The following LOXL1 variants were observed in gnomAD, a reference collection of about 807,000 sequenced individuals.
LOXL1 encodes the protein lysyl oxidase like 1, also known as lysyl oxidase homolog 1.
Under a neutral mutation model 62.2 loss-of-function variants are expected in LOXL1, and 31 were observed. The observed-to-expected ratio is 0.50, with a 90% CI of 0.37 to 0.67. The LOEUF is 0.67. LOXL1 is among the 30% of genes least tolerant of loss of function. LOXL1 has a pLI of 0.00. For missense variants in LOXL1, 775 were observed against 843.4 expected, an observed-to-expected ratio of 0.92 and a Z score of 1.00; for synonymous variants, 403 against 384.4, an observed-to-expected ratio of 1.05 and a Z score of -0.56.
intron 1 of LOXL1, among the ~76,000 whole-genome samples, chr15:73,928,601 C>CAAAAAA (rs55696344): frequency 9.5e-6 from 1 of 105,026 alleles, no homozygotes; most frequent in Non-Finnish European, 2.0e-5. Context: ...AAAATTAATG[C>CAAAAAA]AAAAAAAAAA....
chr15:73,947,589 C>T (rs547882797), intron 4 of LOXL1: 2 of 518,096 alleles, frequency 3.9e-6, no homozygotes, highest in South Asian at 3.0e-5. Flanking sequence ...TTCTGCCATC[C>T]ATCTCGTCCC....
intron 1 of LOXL1, 91 bp from the exon 2 acceptor site, chr15:73,942,763 G>A (rs752571074): frequency 2.9e-4 from 233 of 794,766 alleles, no homozygotes; most frequent in Middle Eastern, 2.7e-3. Flanking sequence ...TGGGGTGTGA[G>A]GAGGTCTCTG....
In LOXL1 at chr15:73,927,777, C is replaced by T; in HGVS notation, c.994C>T (p.Leu332=). The change falls in exon 1 of 7, where the codon CTG becomes TTG. Residue 332 remains leucine, a synonymous_variant. Transcript: ENST00000261921. ...GPPRALEPPY[L]PVRSSDTPPP... is the part of the protein sequence containing the mutation. ...GCCGCGCGCGCTGGAGCCGCCCTAC[C>T]TGCCGGTGCGCAGCTCCGACACGCC... The T allele has an allele frequency of 7.0e-7, 1 of 1,431,556 alleles. No individual in the cohort carries two copies. The allele number at this position is 1,431,556 out of a possible 1,614,324, so 88.7% of individuals were successfully genotyped here.
intron 1 of LOXL1, among the ~76,000 whole-genome samples, chr15:73,935,668 G>A (rs989606605): frequency 5.9e-5 from 9 of 152,174 alleles, no homozygotes; most frequent in Admixed American, 4.6e-4. Flanking sequence ...CAGAGGCTTG[G>A]CCTCTGAGCA....
At position 73,946,481 on chromosome 15, in the gene LOXL1, G is replaced by A. The variant is rs548422464; in HGVS notation, c.1276G>A (p.Val426Met). 1.1e-4 allele frequency: 175 copies of A among 1,612,480 alleles called. 2 individuals carry two copies. In the South Asian group the frequency reaches 1.3e-3, roughly 12 times the overall value. Residue 426 changes from valine to methionine, a missense_variant, in exon 3 of 7, where the codon GTG (valine) becomes ATG (methionine). By Grantham distance (21) the Val-to-Met change is conservative (BLOSUM62 1). Coordinates refer to ENST00000261921, the MANE Select transcript of LOXL1 (RefSeq NM_005576.4). ...VRVLLRFPQR[V>M]KNQGTADFLP... The stretch of plus-strand genomic sequence containing the variant: ...GGTGCTACTGCGCTTCCCCCAGCGC[G>A]TGAAGAACCAGGGCACAGCAGACTT...
In LOXL1 at chr15:73,930,346, G is replaced by T. The variant is rs1332570636; in HGVS notation, c.1102+2461G>T. ...GCCCCTTCCCCTAATCATTGAGGGTGTGGGGTGGGAGTGTGTTTTTTGCTG... is the reference window on the plus strand; with the variant it reads ...GCCCCTTCCCCTAATCATTGAGGGTTTGGGGTGGGAGTGTGTTTTTTGCTG... On this transcript the variant is annotated intron_variant, in intron 1 of 6. Coordinates refer to ENST00000261921, the MANE Select transcript of LOXL1 (RefSeq NM_005576.4). This position sits in a 1 kb window ranked among gnomAD's most constrained non-coding sequence, Gnocchi z 4.7. Among the ~76,000 whole-genome samples, 1 of 152,208 alleles carries T rather than the reference G, an allele frequency of 6.6e-6. No homozygotes were observed. Among genetic ancestry groups the T allele is most frequent in the African/African-American group, 2.4e-5 (1 of 41,454 alleles).
intron 1 of LOXL1, among the ~76,000 whole-genome samples, chr15:73,938,205 G>A (rs1167799302): frequency 6.6e-6 from 1 of 151,946 alleles, no homozygotes; most frequent in East Asian, 1.9e-4. Flanking sequence ...GCTTGAACCC[G>A]GGAGGTGGAG....
At position 73,927,572 on chromosome 15, in the gene LOXL1, GCCGCCGCCCCCCGACGGCCTGGA is replaced by G; in HGVS notation, c.797_819del (p.Pro266LeufsTer19). On this transcript the variant is annotated frameshift_variant, in exon 1 of 7. Transcript: ENST00000261921. LOFTEE classifies it high-confidence loss of function. Reference sequence around the variant, plus strand: ...CCGAGAGGCCCTACGTGCCGCCGCCGCCGCCGCCCCCCGACGGCCTGGACCGCCGCTACTCGCACAGTCTGTAC... The same window carrying G: ...CCGAGAGGCCCTACGTGCCGCCGCCGCCGCCGCTACTCGCACAGTCTGTAC... 6.7e-7 allele frequency: 1 copy of G among 1,499,586 alleles called. No individual in the cohort carries two copies. Among genetic ancestry groups the G allele is most frequent in the South Asian group, 1.2e-5 (1 of 80,278 alleles). The allele number at this position is 1,499,586 out of a possible 1,614,324, so 92.9% of individuals were successfully genotyped here.
chr15:73,946,393 T>C (rs2304720), intron 2 of LOXL1, 24 bp from the exon 3 acceptor site: 375,832 of 1,272,952 alleles, frequency 0.3, 50,400 homozygotes, highest in South Asian at 0.36. Context: ...CAACCCCCCC[T>C]CATCTCCCCC....
Position 73,946,410 on chromosome 15 carries a change from C to G in LOXL1, c.1212-7C>G, listed in dbSNP as rs1003876585. Reference sequence around the variant, plus strand: ...ACCCCCCCTCATCTCCCCCGCCGTCCCTGCAGCACAGCCTATGCCCCTGAG... The same window carrying G: ...ACCCCCCCTCATCTCCCCCGCCGTCGCTGCAGCACAGCCTATGCCCCTGAG... On this transcript the variant is annotated splice_region_variant and splice_polypyrimidine_tract_variant and intron_variant, in intron 2 of 6. Coordinates refer to ENST00000261921, the MANE Select transcript of LOXL1 (RefSeq NM_005576.4). The G allele has an allele frequency of 3.7e-6, 6 of 1,608,324 alleles. No individual in the cohort carries two copies. The highest frequency in any genetic ancestry group is 5.1e-6 in the Non-Finnish European group (6 of 1,176,654).
chr15:73,941,940 GC>G (rs1367915978), intron 1 of LOXL1: 7 of 271,364 alleles, frequency 2.6e-5, no homozygotes, highest in South Asian at 8.8e-5. Context: ...GGACGGACAG[GC>G]CCCGGGCTCT....
chr15:73,926,658 T>G lies in LOXL1; in HGVS notation c.-126T>G, dbSNP rs1193452491. ...CGTCCCGCTCGGGACAAGGCCAGCA[T>G]GGACAAAGCTAGAGCTGGGGCAAGC... is the stretch of plus-strand genomic sequence containing the variant. On this transcript the variant is annotated 5_prime_UTR_variant, in exon 1 of 7. It removes an upstream start codon present in the reference 5' UTR. Coordinates refer to ENST00000261921, the MANE Select transcript of LOXL1 (RefSeq NM_005576.4). The G allele has an allele frequency of 1.8e-6, 2 of 1,131,796 alleles. No homozygotes were observed. Among genetic ancestry groups the G allele is most frequent in the South Asian group, 4.3e-5 (2 of 46,778 alleles). 70.1% of individuals were successfully genotyped at this position (1,131,796 alleles called of 1,614,324 possible). A position where few individuals can be genotyped will look rare whatever the true frequency, so the allele number is the denominator to read the frequency against.
chr15:73,948,026 C>A, intron 5 of LOXL1, 124 bp downstream of exon 5: 1 of 627,480 alleles, frequency 1.6e-6, no homozygotes, highest in Non-Finnish European at 2.7e-6. Context: ...GCAGAGGCAG[C>A]ATCTGAGGCA....
chr15:73,927,261 G>C lies in LOXL1; in HGVS notation c.478G>C (p.Ala160Pro), dbSNP rs138183635. Residue 160 changes from alanine to proline, a missense_variant, in exon 1 of 7, where the codon GCT becomes CCT. Physicochemically the swap from Ala to Pro is conservative, Grantham distance 27. Transcript: ENST00000261921. ...CGGGGGCTCCGCCTCCTCGGTCTCG[G>C]CTTCGGCCTTCGCCAGCACCTACCG... ...RHGGSASSVS[A>P]SAFASTYRQQ... 2.4e-3 allele frequency: 3,799 copies of C among 1,601,692 alleles called. 15 individuals are homozygous for C. Among genetic ancestry groups the C allele is most frequent in the Non-Finnish European group, 2.9e-3 (3,414 of 1,177,632 alleles).
At chr15:73,936,042 G>A (rs1216133389) in intron 1 of LOXL1, among the ~76,000 whole-genome samples, 2 of 151,074 alleles carry the variant, frequency 1.3e-5, no homozygotes, top group African/African-American at 2.4e-5. Flanking sequence ...GGTAAAAAAG[G>A]TTGGGGTATG....
intron 1 of LOXL1, among the ~76,000 whole-genome samples, chr15:73,938,286 T>TCTATCTAC (rs2068689025): frequency 6.7e-6 from 1 of 149,898 alleles, no homozygotes; most frequent in Non-Finnish European, 1.5e-5. Context: ...TATCTATCTA[T>TCTATCTAC]CTATCTATCT....
intron 6 of LOXL1, among the ~76,000 whole-genome samples, chr15:73,950,392 C>T (rs1210605228): frequency 6.6e-6 from 1 of 151,980 alleles, no homozygotes; most frequent in Non-Finnish European, 1.5e-5. Flanking sequence ...GTATCTTTCC[C>T]TAAAAGTGTG....
In LOXL1 at chr15:73,946,648, G is replaced by C. The variant is rs1284147947; in HGVS notation, c.1349+94G>C. 6.3e-6 allele frequency: 9 copies of C among 1,424,992 alleles called. No homozygotes were observed. The Admixed American group carries it at 1.7e-4, about 27-fold the overall frequency. The allele number at this position is 1,424,992 out of a possible 1,614,324, so 88.3% of individuals were successfully genotyped here. A position where few individuals can be genotyped will look rare whatever the true frequency, so the allele number is the denominator to read the frequency against. On this transcript the variant is annotated intron_variant, in intron 3 of 6. Transcript: ENST00000261921. Reference sequence around the variant, plus strand: ...CTCCCCTCCCACCATGAGCACTCTGGGAGACACAGATACTGGATTAGAGGG... The same window carrying C: ...CTCCCCTCCCACCATGAGCACTCTGCGAGACACAGATACTGGATTAGAGGG...
chr15:73,927,624 G>A lies in LOXL1; in HGVS notation c.841G>A (p.Glu281Lys), dbSNP rs550588716. 7 of 1,490,206 alleles carry A rather than the reference G, an allele frequency of 4.7e-6. No homozygotes were observed. In the African/African-American group the frequency reaches 1.0e-4, roughly 22 times the overall value. 92.3% of individuals were successfully genotyped at this position (1,490,206 alleles called of 1,614,324 possible). Reference sequence around the variant, plus strand: ...CCGCTACTCGCACAGTCTGTACAGCGAGGGCACCCCCGGCTTCGAGCAGGC... The same window carrying A: ...CCGCTACTCGCACAGTCTGTACAGCAAGGGCACCCCCGGCTTCGAGCAGGC... ...DRRYSHSLYS[E>K]GTPGFEQAYP... Residue 281 changes from glutamate (E) to lysine (K), a missense_variant, in exon 1 of 7, where the codon GAG (glutamate) becomes AAG (lysine). Physicochemically the swap from Glu to Lys is moderately conservative, Grantham distance 56. Coordinates refer to ENST00000261921, the MANE Select transcript of LOXL1 (RefSeq NM_005576.4).
Sources: allele counts gnomAD v4.1 joint callset (sites outside exome capture counted in the v4.1 genomes callset), GRCh38; gene constraint gnomAD v4.1.1; non-coding constraint Gnocchi (gnomAD v3.1); transcripts MANE v1.5; gene names NCBI Gene and HGNC (gene_info 2026-07-23, HGNC 2026-07-21).